DUS2: variants seen among roughly 807,000 people sequenced by gnomAD.
DUS2 encodes tRNA-dihydrouridine(20) synthase [NAD(P)+]-like.
Under a neutral mutation model 71.3 loss-of-function variants are expected in DUS2, and 52 were observed. The observed-to-expected ratio is 0.73, with a 90% CI of 0.58 to 0.92. The LOEUF (loss-of-function observed/expected upper bound fraction) is 0.92. DUS2 is among the 40% of genes least tolerant of loss of function. The pLI, the probability that DUS2 is intolerant of heterozygous loss-of-function variation, is 0.00. For synonymous variants in DUS2, 204 were observed against 227.8 expected, an observed-to-expected ratio of 0.90 and a Z score of 0.94; for missense variants, 558 against 622.6, an observed-to-expected ratio of 0.90 and a Z score of 1.10.
At chr16:68,073,968 G>T in intron 12 of DUS2, 66 bp from the exon 13 acceptor site, 1 of 1,595,652 alleles carries the variant, frequency 6.3e-7, no homozygotes. Context: ...TCCTTTCCCT[G>T]CCATCAGAGC....
chr16:68,042,592 C>T (rs1261522758), intron 3 of DUS2, among the ~76,000 whole-genome samples: 1 of 152,188 alleles, frequency 6.6e-6, no homozygotes, highest in Non-Finnish European at 1.5e-5. Context: ...AGTGACCAGC[C>T]TGGAGCTCCT....
At chr16:68,067,019 TTCCCTCCC>T (rs1220080333) in intron 10 of DUS2, among the ~76,000 whole-genome samples, 4 of 135,776 alleles carry the variant, frequency 2.9e-5, no homozygotes, top group East Asian at 2.2e-4. Context: ...ATTTATTTCC[TTCCCTCCC>T]TCCCTCCCTC....
intron 3 of DUS2, among the ~76,000 whole-genome samples, chr16:68,041,390 G>A (rs2033623275): frequency 6.6e-6 from 1 of 152,142 alleles, no homozygotes; most frequent in Admixed American, 6.6e-5. Context: ...TATAAGAATG[G>A]TGGGATTCTG....
chr16:68,061,292 C>A (rs1255106946), intron 8 of DUS2, among the ~76,000 whole-genome samples, 179 bp downstream of exon 8: 2 of 152,192 alleles, frequency 1.3e-5, no homozygotes, highest in African/African-American at 2.4e-5. Flanking sequence ...GTTTGGGAAC[C>A]CCCGAGCCAG....
chr16:68,079,138 C>T lies in DUS2; in HGVS notation c.*152C>T. 1 of 656,262 alleles carries T rather than the reference C, an allele frequency of 1.5e-6. No individual in the cohort carries two copies. The highest frequency in any genetic ancestry group is 2.9e-5 in the East Asian group (1 of 34,418). 40.7% of individuals were successfully genotyped at this position (656,262 alleles called of 1,614,324 possible). On this transcript the variant is annotated 3_prime_UTR_variant, in exon 17 of 17. Transcript: ENST00000565263. The stretch of plus-strand genomic sequence containing the variant: ...AGGGGCCATCAGCCTAGAGCATGGA[C>T]CAGGGGCCGCCCAGGGGTGGATCCT...
chr16:68,066,925 A>G lies in DUS2; in HGVS notation c.554+289A>G, dbSNP rs570866887. On this transcript the variant is annotated intron_variant, in intron 10 of 16. Coordinates refer to ENST00000565263, the MANE Select transcript of DUS2 (RefSeq NM_017803.5). ...AACACCTCTACTATCAGGATGTGTA[A>G]ATGCTAGAGATTGAGTAATTTGCTC... Among the ~76,000 whole-genome samples the G allele has an allele frequency of 3.3e-5, 5 of 152,098 alleles. No homozygotes were observed. The South Asian group carries it at 1.0e-3, about 32-fold the overall frequency.
At chr16:68,049,692 C>T in intron 4 of DUS2, 142 bp downstream of exon 4, 1 of 756,266 alleles carries the variant, frequency 1.3e-6, no homozygotes, top group Non-Finnish European at 2.3e-6. Flanking sequence ...TGAGAGCAGT[C>T]ACTGATCTCC....
intron 9 of DUS2, 21 bp from the exon 10 acceptor site, chr16:68,066,545 C>T: frequency 1.2e-6 from 2 of 1,613,614 alleles, no homozygotes; most frequent in South Asian, 1.1e-5. Flanking sequence ...AGTAACCATC[C>T]TGTGTGGTCC....
At chr16:68,027,528 C>T (rs2151407026) in intron 2 of DUS2, among the ~76,000 whole-genome samples, 1 of 152,356 alleles carries the variant, frequency 6.6e-6, no homozygotes, top group East Asian at 1.9e-4. Context: ...CAGGCGTGAG[C>T]CACCTCACCC....
chr16:68,064,938 AT>A (rs1341119119), intron 8 of DUS2, among the ~76,000 whole-genome samples: 1 of 152,270 alleles, frequency 6.6e-6, no homozygotes, highest in Admixed American at 6.5e-5. Flanking sequence ...CCACCTAGAT[AT>A]CCCCCTGCTC....
chr16:68,031,300 G>A (rs528908958), intron 2 of DUS2, among the ~76,000 whole-genome samples: 2 of 152,064 alleles, frequency 1.3e-5, no homozygotes, highest in Admixed American at 6.6e-5. Flanking sequence ...GAGTAGCTGC[G>A]ACTACAGGCA....
At chr16:68,069,174 A>G (rs1385544952) in intron 10 of DUS2, among the ~76,000 whole-genome samples, 1 of 152,038 alleles carries the variant, frequency 6.6e-6, no homozygotes, top group Admixed American at 6.6e-5. Flanking sequence ...GGATCACATG[A>G]GGTCAGGAGT....
Position 68,052,546 on chromosome 16 carries a change from C to T in DUS2, c.173-1018C>T, listed in dbSNP as rs965762135. The stretch of plus-strand genomic sequence containing the variant: ...GTAACCTTCCACTCATAGCACCTGT[C>T]TCACTGTAAGTAAATAGTAAATTTG... On this transcript the variant is annotated intron_variant, in intron 4 of 16. Coordinates refer to ENST00000565263, the MANE Select transcript of DUS2 (RefSeq NM_017803.5). Among the ~76,000 whole-genome samples, 6 of 152,114 alleles carry T rather than the reference C, an allele frequency of 3.9e-5. No homozygotes were observed. The South Asian group carries it at 1.2e-3, about 32-fold the overall frequency.
chr16:68,065,494 G>C (rs1021275875), intron 8 of DUS2, among the ~76,000 whole-genome samples: 1 of 151,840 alleles, frequency 6.6e-6, no homozygotes, highest in African/African-American at 2.4e-5. Context: ...TTCGAGACCA[G>C]CCTGGCCAAC....
At chr16:68,059,114 G>A (rs1322542554) in intron 7 of DUS2, among the ~76,000 whole-genome samples, 1 of 152,154 alleles carries the variant, frequency 6.6e-6, no homozygotes, top group Non-Finnish European at 1.5e-5. Context: ...TTGGGAGGCT[G>A]AGGCAGGAGA....
intron 2 of DUS2, among the ~76,000 whole-genome samples, chr16:68,035,929 TAC>T (rs1187847091): frequency 2.8e-4 from 30 of 108,562 alleles, no homozygotes; most frequent in African/African-American, 1.1e-3. Flanking sequence ...TATATATATA[TAC>T]ACACATACAT....
rs1158663153 is a variant in DUS2, at chr16:68,040,078, C to CT, written c.126+1938dup. ...GTCAGGGCTTGAAGAGGACAGGAAT[C>CT]TTTTTTTTTCTTTTTTTTTTTTTAA... On this transcript the variant is annotated intron_variant, in intron 3 of 16. Transcript: ENST00000565263. Among the ~76,000 whole-genome samples the CT allele has an allele frequency of 4.0e-5, 6 of 149,314 alleles. No individual in the cohort carries two copies. The East Asian group carries it at 9.8e-4, about 24-fold the overall frequency.
intron 2 of DUS2, among the ~76,000 whole-genome samples, chr16:68,029,164 C>T (rs527947830): frequency 1.1e-4 from 16 of 151,738 alleles, no homozygotes; most frequent in South Asian, 2.1e-4. Flanking sequence ...ATGATTGTGC[C>T]GCTGCACTCC....
At chr16:68,035,925 T>C (rs1217357384) in intron 2 of DUS2, among the ~76,000 whole-genome samples, 7 of 114,936 alleles carry the variant, frequency 6.1e-5, no homozygotes, top group African/African-American at 2.6e-4. Context: ...TATATATATA[T>C]ATATACACAC....
Sources: gnomAD v4.1 joint callset for allele counts (sites outside exome capture counted in the v4.1 genomes callset) on GRCh38, gnomAD v4.1.1 for gene constraint, MANE v1.5 for transcripts, NCBI Gene and HGNC (gene_info 2026-07-23, HGNC 2026-07-21) for gene names.